Variants in EVC2 observed in about 807,000 individuals in gnomAD.
The protein encoded by EVC2 is EvC ciliary complex subunit 2.
EVC2 carries 148 observed loss-of-function variants against 149.3 expected under a neutral mutation model. The ratio of observed to expected loss-of-function variants is 0.99; its 90% CI spans 0.87 to 1.14. EVC2 has a LOEUF of 1.14. EVC2 is among the 50% of genes most tolerant of loss of function. The probability of loss-of-function intolerance (pLI) is 0.00; values close to 1 mark genes in which losing one functional copy is unlikely to be tolerated. For synonymous variants in EVC2, 776 were observed against 649.9 expected (o/e 1.19, Z -2.95); for missense variants, 1,854 against 1,627.3 (o/e 1.14, Z -2.40).
At chr4:5,606,266 A>C (rs1433387859) in intron 16 of EVC2, among the ~76,000 whole-genome samples, 3 of 152,228 alleles carry the variant, frequency 2.0e-5, no homozygotes, top group Non-Finnish European at 4.4e-5. Flanking sequence ...CTTTTTGAGA[A>C]CAAATCTTTT....
intron 9 of EVC2, among the ~76,000 whole-genome samples, chr4:5,652,125 G>T (rs187049362): frequency 4.1e-4 from 63 of 152,300 alleles, no homozygotes; most frequent in Admixed American, 2.4e-3. Context: ...GTGTGTGAAT[G>T]GACTGGACGG....
intron 17 of EVC2, among the ~76,000 whole-genome samples, chr4:5,582,564 G>A (rs1341320247): frequency 1.3e-5 from 2 of 152,200 alleles, no homozygotes; most frequent in Non-Finnish European, 2.9e-5. Context: ...AGGTGGAATG[G>A]ACTTATAATT....
intron 9 of EVC2, among the ~76,000 whole-genome samples, chr4:5,644,446 AG>A (rs1180942844): frequency 5.3e-5 from 8 of 152,058 alleles, no homozygotes; most frequent in Admixed American, 2.0e-4. Flanking sequence ...CTGGGACTAC[AG>A]GCACCCGCCA....
chr4:5,697,124 G>C (rs988130486), intron 2 of EVC2, among the ~76,000 whole-genome samples: 2 of 152,224 alleles, frequency 1.3e-5, no homozygotes, highest in Admixed American at 6.5e-5. Context: ...TGCGGCCATA[G>C]ATGCTGGAAA....
At chr4:5,617,443 T>C (rs1715345372) in intron 15 of EVC2, among the ~76,000 whole-genome samples, 1 of 152,244 alleles carries the variant, frequency 6.6e-6, no homozygotes, top group Non-Finnish European at 1.5e-5. Flanking sequence ...ACACATCTGG[T>C]GCTTGGCTGG....
chr4:5,595,018 A>G (rs1294124280), intron 16 of EVC2, among the ~76,000 whole-genome samples: 4 of 152,206 alleles, frequency 2.6e-5, no homozygotes, highest in Non-Finnish European at 4.4e-5. Flanking sequence ...AGTTTAGAGA[A>G]AAAAGAATAA....
intron 9 of EVC2, among the ~76,000 whole-genome samples, chr4:5,645,249 CT>C (rs11351682): frequency 0.46 from 65,315 of 140,808 alleles, 14,524 homozygotes; most frequent in Middle Eastern, 0.49. Flanking sequence ...ACATCCACCT[CT>C]TTTTTTTTTT....
chr4:5,613,278 G>A lies in EVC2; in HGVS notation c.2829+2144C>T, dbSNP rs575923847. Among the ~76,000 whole-genome samples, 12 of 152,266 alleles carry A rather than the reference G, an allele frequency of 7.9e-5. No homozygotes were observed. The highest frequency in any genetic ancestry group is 5.8e-4 in the East Asian group (3 of 5,168). ...GGCTTCAACCCTCTGGGTTCCCTCTGTGCACTGTGGCCTCCAGCACAGTCC... is the reference window on the plus strand; with the variant it reads ...GGCTTCAACCCTCTGGGTTCCCTCTATGCACTGTGGCCTCCAGCACAGTCC... On this transcript the variant is annotated intron_variant, in intron 16 of 21. Transcript: ENST00000344408. This position sits in a 1 kb window ranked among gnomAD's most constrained non-coding sequence, Gnocchi z 4.6.
the EVC2 span, among the ~76,000 whole-genome samples, chr4:5,531,643 G>A: frequency 1.3e-5 from 2 of 151,888 alleles, no homozygotes; most frequent in African/African-American, 2.4e-5. Flanking sequence ...TCTAGGTTGC[G>A]TGCTCCTTTT....
chr4:5,635,559 G>A (rs147002113), intron 10 of EVC2, among the ~76,000 whole-genome samples: 1 of 152,316 alleles, frequency 6.6e-6, no homozygotes, highest in East Asian at 1.9e-4. Context: ...CATCAGGCTG[G>A]CTGCAGCAGC....
At chr4:5,571,609 G>T (rs1262046027) in intron 19 of EVC2, among the ~76,000 whole-genome samples, 2 of 152,144 alleles carry the variant, frequency 1.3e-5, no homozygotes. Context: ...AGCAAGAGGA[G>T]TAAGGACAAA....
At chr4:5,597,557 G>T (rs1458355340) in intron 16 of EVC2, among the ~76,000 whole-genome samples, 1 of 151,312 alleles carries the variant, frequency 6.6e-6, no homozygotes, top group Non-Finnish European at 1.5e-5. Context: ...AGGTATTGAT[G>T]GGACATATCT....
At chr4:5,664,146 G>A (rs7699299) in intron 8 of EVC2, among the ~76,000 whole-genome samples, 55,022 of 151,934 alleles carry the variant, frequency 0.36, 10,456 homozygotes, top group East Asian at 0.48. Flanking sequence ...TTACAACAAC[G>A]CAGTGTTGGT....
chr4:5,618,489 G>C lies in EVC2; in HGVS notation c.2695C>G (p.Pro899Ala), dbSNP rs770322843. 2 of 1,613,022 alleles carry C rather than the reference G, an allele frequency of 1.2e-6. No homozygotes were observed. Among genetic ancestry groups the C allele is most frequent in the African/African-American group, 1.3e-5 (1 of 75,010 alleles). ...CAGGTCCATCCTACCTGCAGCTCAG[G>C]GGCAGCCACGGCCTGGTCCAGCTTC... ...FVKLDQAVAAPELQQQSKVRK... is the reference protein window; with the variant it reads ...FVKLDQAVAAAELQQQSKVRK... The change falls in exon 15 of 22, where the codon CCT (proline) becomes GCT (alanine). Residue 899 changes from proline (P) to alanine (A), a missense_variant. Physicochemically the swap from Pro to Ala is conservative, Grantham distance 27. Coordinates refer to ENST00000344408, the MANE Select transcript of EVC2 (RefSeq NM_147127.5). This position sits in a 1 kb window ranked among gnomAD's most constrained non-coding sequence, Gnocchi z 4.4.
At chr4:5,554,328 A>G (rs1300799732) in intron 21 of EVC2, among the ~76,000 whole-genome samples, 1 of 152,164 alleles carries the variant, frequency 6.6e-6, no homozygotes, top group Non-Finnish European at 1.5e-5. Context: ...AGAAACCTTC[A>G]TGGTCATTTT....
intron 9 of EVC2, among the ~76,000 whole-genome samples, chr4:5,650,630 T>TAGAG (rs1477699429): frequency 1.0e-4 from 7 of 67,912 alleles, no homozygotes; most frequent in African/African-American, 1.5e-4. Flanking sequence ...TATATATATA[T>TAGAG]ATATATATAG....
intron 15 of EVC2, among the ~76,000 whole-genome samples, chr4:5,617,928 T>C (rs2108832286): frequency 6.6e-6 from 1 of 152,198 alleles, no homozygotes; most frequent in South Asian, 2.1e-4. Flanking sequence ...CCTAAACTGG[T>C]CCCTGGGGGC....
intron 19 of EVC2, among the ~76,000 whole-genome samples, 174 bp downstream of exon 19, chr4:5,574,511 T>C (rs1358023518): frequency 6.6e-6 from 1 of 152,236 alleles, no homozygotes; most frequent in African/African-American, 2.4e-5. Context: ...TTAGCACTGA[T>C]TGAGCACCCT....
chr4:5,666,587 G>C (rs1456370736), intron 7 of EVC2, among the ~76,000 whole-genome samples: 4 of 152,112 alleles, frequency 2.6e-5, no homozygotes, highest in Non-Finnish European at 4.4e-5. Context: ...CTGTTACAGA[G>C]AGTCAAATTT....
Sources: gnomAD v4.1 joint callset for allele counts (sites outside exome capture counted in the v4.1 genomes callset) on GRCh38, gnomAD v4.1.1 for gene constraint, Gnocchi (gnomAD v3.1) non-coding constraint, MANE v1.5 for transcripts, NCBI Gene and HGNC (gene_info 2026-07-23, HGNC 2026-07-21) for gene names.